The following OTULIN variants were observed in gnomAD, a reference collection of about 807,000 sequenced individuals.
The protein encoded by OTULIN is OTU deubiquitinase with linear linkage specificity, also known as ubiquitin thioesterase otulin.
A neutral mutation model predicts 39.6 loss-of-function variants in OTULIN; 15 were observed. The ratio of observed to expected loss-of-function variants is 0.38; its 90% CI spans 0.25 to 0.58. OTULIN has a LOEUF of 0.58. Ranked by LOEUF, OTULIN falls within the 20% of genes least tolerant of loss-of-function variation. OTULIN has a pLI of 0.66. For synonymous variants in OTULIN, 156 were observed against 170.3 expected, an observed-to-expected ratio of 0.92 and a Z score of 0.65; for missense variants, 319 against 445.9, an observed-to-expected ratio of 0.72 and a Z score of 2.56.
At chr5:14,682,867 A>G (rs1736290524) in intron 4 of OTULIN, among the ~76,000 whole-genome samples, 1 of 152,222 alleles carries the variant, frequency 6.6e-6, no homozygotes, top group Non-Finnish European at 1.5e-5. Flanking sequence ...TGCCTGATAA[A>G]GTATCCTCAG....
chr5:14,693,491 C>A lies in OTULIN; in HGVS notation c.*443C>A, dbSNP rs1244267038. Reference sequence around the variant, plus strand: ...GATCTTCCTATACAGTCTGCTTTAACTCAGGACCTTGAGATTATGAGACTG... The same window carrying A: ...GATCTTCCTATACAGTCTGCTTTAAATCAGGACCTTGAGATTATGAGACTG... On this transcript the variant is annotated 3_prime_UTR_variant, in exon 7 of 7. Coordinates refer to ENST00000284274, the MANE Select transcript of OTULIN (RefSeq NM_138348.6). 1.9e-5 allele frequency: 3 copies of A among 154,160 alleles called. No individual in the cohort carries two copies. Among genetic ancestry groups the A allele is most frequent in the African/African-American group, 7.2e-5 (3 of 41,416 alleles). The allele number at this position is 154,160 out of a possible 1,614,324, so 9.5% of individuals were successfully genotyped here. A position where few individuals can be genotyped will look rare whatever the true frequency, so the allele number is the denominator to read the frequency against.
chr5:14,712,182 C>T, the OTULIN span, among the ~76,000 whole-genome samples: 710 of 152,332 alleles, frequency 4.7e-3, 4 homozygotes, highest in African/African-American at 0.016. Context: ...GAAGCCCAAC[C>T]GCAGGGGACA....
intron 3 of OTULIN, among the ~76,000 whole-genome samples, chr5:14,680,202 A>C (rs1736211189): frequency 6.6e-6 from 1 of 152,208 alleles, no homozygotes; most frequent in Non-Finnish European, 1.5e-5. Context: ...AGAAGTACAT[A>C]ATTATTAGTA....
downstream of OTULIN, among the ~76,000 whole-genome samples, chr5:14,700,065 T>G (rs1736766624): frequency 6.6e-6 from 1 of 152,338 alleles, no homozygotes; most frequent in South Asian, 2.1e-4. Flanking sequence ...GAAGTCTGAC[T>G]TGCGTTTCTT....
At position 14,693,554 on chromosome 5, in the gene OTULIN, C is replaced by T. The variant is rs1736589151; in HGVS notation, c.*506C>T. On this transcript the variant is annotated 3_prime_UTR_variant, in exon 7 of 7. Transcript: ENST00000284274. Reference sequence around the variant, plus strand: ...CTGCACTGAGGGGGCTTCTAACAGTCTGCTTTAAGTGGTATAATTCTGGGA... The same window carrying T: ...CTGCACTGAGGGGGCTTCTAACAGTTTGCTTTAAGTGGTATAATTCTGGGA... 1 of 152,548 alleles carries T rather than the reference C, an allele frequency of 6.6e-6. No homozygotes were observed. Among genetic ancestry groups the T allele is most frequent in the South Asian group, 2.1e-4 (1 of 4,840 alleles). 9.4% of individuals were successfully genotyped at this position (152,548 alleles called of 1,614,324 possible).
downstream of OTULIN, among the ~76,000 whole-genome samples, chr5:14,702,606 A>G (rs917467842): frequency 2.6e-5 from 4 of 152,148 alleles, no homozygotes; most frequent in Non-Finnish European, 5.9e-5. Flanking sequence ...AAAAAGCATG[A>G]GGAAACGCTT....
the OTULIN span, chr5:14,707,036 T>G: frequency 1.3e-5 from 2 of 152,206 alleles, no homozygotes; most frequent in Admixed American, 1.3e-4. Flanking sequence ...GGAGCAGAAC[T>G]TAGAAGATAA....
At chr5:14,687,774 T>C (rs890827095) in intron 5 of OTULIN, 128 bp downstream of exon 5, 3 of 1,207,004 alleles carry the variant, frequency 2.5e-6, no homozygotes, top group Admixed American at 5.2e-5. Context: ...GGCAAAATGG[T>C]TTTAAATGAA....
chr5:14,694,788 T>C lies in OTULIN; in HGVS notation c.*1740T>C, dbSNP rs1003165069. On this transcript the variant is annotated 3_prime_UTR_variant, in exon 7 of 7. Transcript: ENST00000284274. ...TTGTGTTCTTCACTGTGAAATGCAA[T>C]TGTGCCTTGAATAAGAAGGTACCTA... 6.5e-6 allele frequency: 1 copy of C among 152,678 alleles called. No individual in the cohort carries two copies. The highest frequency in any genetic ancestry group is 2.4e-5 in the African/African-American group (1 of 41,470). The allele number at this position is 152,678 out of a possible 1,614,324, so 9.5% of individuals were successfully genotyped here. A position where few individuals can be genotyped will look rare whatever the true frequency, so the allele number is the denominator to read the frequency against.
At chr5:14,691,394 AG>A (rs1736522318) in intron 6 of OTULIN, among the ~76,000 whole-genome samples, 1 of 152,230 alleles carries the variant, frequency 6.6e-6, no homozygotes, top group Admixed American at 6.5e-5. Flanking sequence ...GAAGGAGTGT[AG>A]ACTGATGGTC....
chr5:14,676,451 G>C (rs1380618792), intron 2 of OTULIN, among the ~76,000 whole-genome samples: 3 of 152,184 alleles, frequency 2.0e-5, no homozygotes, highest in African/African-American at 7.2e-5. Flanking sequence ...AGCAGAATGG[G>C]AATTCAGGTA....
chr5:14,712,667 G>C, the OTULIN span, among the ~76,000 whole-genome samples: 2 of 152,244 alleles, frequency 1.3e-5, no homozygotes. Flanking sequence ...CAAAGGGACT[G>C]TCTGTACTTG....
At chr5:14,688,847 T>C (rs1736452561) in intron 5 of OTULIN, among the ~76,000 whole-genome samples, 1 of 152,174 alleles carries the variant, frequency 6.6e-6, no homozygotes, top group Non-Finnish European at 1.5e-5. Context: ...AATTTCGTTT[T>C]CATTTTTTTA....
intron 1 of OTULIN, among the ~76,000 whole-genome samples, chr5:14,667,198 A>G (rs757067888): frequency 1.3e-5 from 2 of 152,230 alleles, no homozygotes; most frequent in Non-Finnish European, 2.9e-5. Context: ...CAACTTCTGC[A>G]GCTGAATTAG....
intron 6 of OTULIN, among the ~76,000 whole-genome samples, chr5:14,691,535 A>G (rs780881978): frequency 1.7e-4 from 26 of 152,050 alleles, no homozygotes; most frequent in Non-Finnish European, 3.4e-4. Context: ...GATGGTTTGC[A>G]TATTAGACTA....
chr5:14,681,633 C>A lies in OTULIN; in HGVS notation c.468+26C>A, dbSNP rs1179488294. 1.9e-6 allele frequency: 3 copies of A among 1,588,618 alleles called. No individual in the cohort carries two copies. In the East Asian group the frequency reaches 6.7e-5, roughly 36 times the overall value. On this transcript the variant is annotated intron_variant, in intron 4 of 6. Coordinates refer to ENST00000284274, the MANE Select transcript of OTULIN (RefSeq NM_138348.6). ...GTACGCTGCTGCTGCAGGTTTGAGT[C>A]CAAAATGTTTCAAACAATTTTTGTG...
intron 2 of OTULIN, among the ~76,000 whole-genome samples, chr5:14,678,369 C>T (rs1187180704): frequency 3.9e-5 from 6 of 152,160 alleles, no homozygotes; most frequent in Non-Finnish European, 8.8e-5. Context: ...GAGGCAGGAG[C>T]CCCTGGAGCT....
Position 14,695,735 on chromosome 5 carries a change from C to CA in OTULIN, c.*2689dup, listed in dbSNP as rs1321586569. 6.6e-6 allele frequency: 1 copy of CA among 152,162 alleles called. No homozygotes were observed. The highest frequency in any genetic ancestry group is 1.5e-5 in the Non-Finnish European group (1 of 68,032). The allele number at this position is 152,162 out of a possible 1,614,324, so 9.4% of individuals were successfully genotyped here. ...GTTGATTTTATCCATCCACAAGGAA[C>CA]AATGATAGTCACATTAGAGAACAAG... On this transcript the variant is annotated 3_prime_UTR_variant, in exon 7 of 7. Coordinates refer to ENST00000284274, the MANE Select transcript of OTULIN (RefSeq NM_138348.6).
the OTULIN span, chr5:14,709,303 A>G: frequency 1.3e-5 from 2 of 152,132 alleles, no homozygotes; most frequent in South Asian, 2.1e-4. Context: ...AAGCTGATAC[A>G]TTGAGATTTT....
Sources: gnomAD v4.1 joint callset for allele counts (sites outside exome capture counted in the v4.1 genomes callset) on GRCh38, gnomAD v4.1.1 for gene constraint, MANE v1.5 for transcripts, NCBI Gene and HGNC (gene_info 2026-07-23, HGNC 2026-07-21) for gene names.